ATP11C: variants seen among roughly 807,000 people sequenced by gnomAD.
ATP11C encodes the protein phospholipid-transporting ATPase IG.
In ATP11C, 36 loss-of-function variants were observed where a neutral mutation model predicts 97.4. The ratio of observed to expected loss-of-function variants is 0.37; its 90% CI spans 0.28 to 0.49. The LOEUF (loss-of-function observed/expected upper bound fraction) is 0.49. Among genes scored for constraint, ATP11C ranks in the 20% least tolerant of loss-of-function variants. ATP11C has a pLI of 0.98. For missense variants in ATP11C, 730 were observed against 824.6 expected (o/e 0.89, Z 1.40); for synonymous variants, 275 against 290.9 (o/e 0.95, Z 0.56).
chrX:139,772,041 G>A (rs982111091), intron 19 of ATP11C, among the ~76,000 whole-genome samples: 15 of 111,938 alleles, frequency 1.3e-4, no homozygotes, highest in African/African-American at 4.2e-4. Context: ...TCACAGGCCC[G>A]GAGGCCCAGG....
At chrX:139,806,515 G>A (rs917568695) in intron 5 of ATP11C, among the ~76,000 whole-genome samples, 1 of 111,743 alleles carries the variant, frequency 8.9e-6, no homozygotes, top group African/African-American at 3.3e-5. Flanking sequence ...TTTCATAACT[G>A]ACCAAGCATA....
At position 139,826,100 on chromosome X, in the gene ATP11C, C is replaced by T. The variant is rs138550305; in HGVS notation, c.147+604G>A. ...AGGTGTTCAAACTTCCAGGCCAATG[C>T]TCTTAGTCCTACACTATGCTGAAGA... On this transcript the variant is annotated intron_variant, in intron 2 of 29. Coordinates refer to ENST00000682941, the MANE Select transcript of ATP11C (RefSeq NM_001353812.2). 2.7e-5 allele frequency among the ~76,000 whole-genome samples: 3 copies of T among 111,763 alleles called. No homozygotes were observed. The East Asian group carries it at 8.4e-4, about 31-fold the overall frequency.
At chrX:139,878,458 T>G (rs1335050811) in intron 1 of ATP11C, among the ~76,000 whole-genome samples, 4 of 111,903 alleles carry the variant, frequency 3.6e-5, no homozygotes, top group Non-Finnish European at 7.5e-5. Context: ...TGTGTGAAAA[T>G]CAAAACAAGA....
chrX:139,841,174 A>G (rs1279982037), intron 1 of ATP11C, among the ~76,000 whole-genome samples: 5 of 112,510 alleles, frequency 4.4e-5, no homozygotes, highest in Non-Finnish European at 5.6e-5. Flanking sequence ...TGACATAACA[A>G]TTAGTAATGA....
intron 10 of ATP11C, among the ~76,000 whole-genome samples, chrX:139,797,912 A>G (rs2082836461): frequency 8.9e-6 from 1 of 111,851 alleles, no homozygotes; most frequent in Admixed American, 9.5e-5. Flanking sequence ...ACTTGCATAT[A>G]GCAACTAAAG....
At chrX:139,882,323 G>A (rs1273067107) in intron 1 of ATP11C, among the ~76,000 whole-genome samples, 2 of 111,812 alleles carry the variant, frequency 1.8e-5, no homozygotes, top group Non-Finnish European at 1.9e-5. Flanking sequence ...ACAAGCAGGA[G>A]GAATTTAACG....
At chrX:139,787,130 A>G (rs756953737) in intron 15 of ATP11C, 43 bp downstream of exon 15, 1 of 1,204,358 alleles carries the variant, frequency 8.3e-7, no homozygotes, top group Non-Finnish European at 1.1e-6. Flanking sequence ...AAATTTGACT[A>G]TGGGGTTAAG....
chrX:139,933,271 CG>C (rs1322530778), upstream of ATP11C, among the ~76,000 whole-genome samples: 1 of 108,934 alleles, frequency 9.2e-6, no homozygotes. Flanking sequence ...GGCTGAACAG[CG>C]GGTTCTCCAC....
At chrX:139,888,691 A>C (rs2148065558) in intron 1 of ATP11C, among the ~76,000 whole-genome samples, 1 of 111,147 alleles carries the variant, frequency 9.0e-6, no homozygotes, top group African/African-American at 3.3e-5. Flanking sequence ...TTAAGATATA[A>C]AGTTAAATAC....
chrX:139,884,900 A>C (rs1391835118), intron 1 of ATP11C, among the ~76,000 whole-genome samples: 1 of 112,036 alleles, frequency 8.9e-6, no homozygotes, highest in Non-Finnish European at 1.9e-5. Context: ...AATTGAGCAC[A>C]TTCTATGTGA....
intron 15 of ATP11C, among the ~76,000 whole-genome samples, chrX:139,786,331 G>A (rs1233612553): frequency 9.0e-6 from 1 of 111,624 alleles, no homozygotes; most frequent in East Asian, 2.8e-4. Flanking sequence ...TAGTCTTGCG[G>A]GAGTATATGT....
chrX:139,825,104 C>T (rs1432257861), intron 2 of ATP11C, among the ~76,000 whole-genome samples: 1 of 111,243 alleles, frequency 9.0e-6, no homozygotes, highest in Non-Finnish European at 1.9e-5. Context: ...GTACTACTCA[C>T]TATTGTAATA....
intron 1 of ATP11C, among the ~76,000 whole-genome samples, chrX:139,854,265 T>C (rs1370308678): frequency 8.9e-6 from 1 of 112,661 alleles, no homozygotes; most frequent in Non-Finnish European, 1.9e-5. Context: ...CAAGGTCTTA[T>C]TAACAGCAAA....
intron 14 of ATP11C, among the ~76,000 whole-genome samples, chrX:139,787,702 T>C (rs1215409074): frequency 8.9e-6 from 1 of 112,650 alleles, no homozygotes; most frequent in Non-Finnish European, 1.9e-5. Flanking sequence ...GATAAGTTGA[T>C]AACAGAGAAA....
chrX:139,788,047 A>T (rs1376264244), intron 14 of ATP11C, 145 bp downstream of exon 14: 3 of 498,611 alleles, frequency 6.0e-6, no homozygotes, highest in Non-Finnish European at 9.5e-6. Flanking sequence ...TTTTCCACAA[A>T]TTTTTGGCTA....
chrX:139,779,125 C>A (rs1345214711), intron 18 of ATP11C, among the ~76,000 whole-genome samples: 1 of 111,236 alleles, frequency 9.0e-6, no homozygotes, highest in Admixed American at 9.5e-5. Context: ...AGACAGAGAG[C>A]CATACAATAT....
chrX:139,908,577 A>C (rs10126150), intron 1 of ATP11C, among the ~76,000 whole-genome samples: 6,595 of 112,020 alleles, frequency 0.059, 448 homozygotes, highest in African/African-American at 0.2. Flanking sequence ...GAACTTCACT[A>C]AAGATGTTGC....
chrX:139,859,136 G>A (rs2084140798), intron 1 of ATP11C, among the ~76,000 whole-genome samples: 1 of 111,678 alleles, frequency 9.0e-6, no homozygotes, highest in African/African-American at 3.3e-5. Flanking sequence ...GTTTAAAAAG[G>A]GAGCTTTCTA....
intron 1 of ATP11C, among the ~76,000 whole-genome samples, chrX:139,876,521 G>T (rs1023139734): frequency 8.9e-6 from 1 of 112,110 alleles, no homozygotes; most frequent in African/African-American, 3.2e-5. Flanking sequence ...AGCTTTGAAC[G>T]CCTGAGCCTA....
Sources: allele counts gnomAD v4.1 joint callset (sites outside exome capture counted in the v4.1 genomes callset), GRCh38; gene constraint gnomAD v4.1.1; transcripts MANE v1.5; gene names NCBI Gene and HGNC (gene_info 2026-07-23, HGNC 2026-07-21).